TTC28: variants seen among roughly 807,000 people sequenced by gnomAD.
TTC28 encodes tetratricopeptide repeat domain 28, also known as tetratricopeptide repeat protein 28.
Under a neutral mutation model 198.0 loss-of-function variants are expected in TTC28, and 61 were observed. The ratio of observed to expected loss-of-function variants is 0.31; its 90% CI spans 0.25 to 0.38. The LOEUF (loss-of-function observed/expected upper bound fraction) is 0.38. TTC28 is among the 10% of genes least tolerant of loss of function. TTC28 has a pLI of 1.00. For missense variants in TTC28, 2,678 were observed against 3,164.0 expected (o/e 0.85, Z 3.69); for synonymous variants, 1,171 against 1,297.8 (o/e 0.90, Z 2.10).
At chr22:28,190,025 A>C (rs1215901819) in intron 5 of TTC28, among the ~76,000 whole-genome samples, 1 of 152,186 alleles carries the variant, frequency 6.6e-6, no homozygotes, top group Non-Finnish European at 1.5e-5. Flanking sequence ...AGAAATTAAG[A>C]AGGTATTGTT....
At chr22:28,165,516 C>T (rs960245479) in intron 5 of TTC28, among the ~76,000 whole-genome samples, 24 of 151,830 alleles carry the variant, frequency 1.6e-4, no homozygotes, top group Non-Finnish European at 2.9e-4. Context: ...AGAGTAGGGG[C>T]CAATATTCAA....
At chr22:28,564,055 G>A (rs2049932210) in intron 2 of TTC28, among the ~76,000 whole-genome samples, 1 of 152,144 alleles carries the variant, frequency 6.6e-6, no homozygotes, top group Non-Finnish European at 1.5e-5. Context: ...CATATTACAT[G>A]ACTCTGTTTA....
At chr22:28,583,201 T>G (rs2050256878) in intron 2 of TTC28, among the ~76,000 whole-genome samples, 1 of 152,202 alleles carries the variant, frequency 6.6e-6, no homozygotes, top group Non-Finnish European at 1.5e-5. Flanking sequence ...ATAAAATCAT[T>G]TTTTAAAAAA....
intron 12 of TTC28, among the ~76,000 whole-genome samples, chr22:28,093,543 T>C (rs1198187549): frequency 6.6e-6 from 1 of 152,248 alleles, no homozygotes; most frequent in African/African-American, 2.4e-5. Flanking sequence ...ATCATTATGA[T>C]AAAATGTTTC....
chr22:28,348,274 C>A (rs915422255), intron 2 of TTC28, among the ~76,000 whole-genome samples: 3 of 152,140 alleles, frequency 2.0e-5, no homozygotes, highest in Non-Finnish European at 4.4e-5. Context: ...TGCATGGAGG[C>A]CCTCAAGTCT....
intron 2 of TTC28, among the ~76,000 whole-genome samples, chr22:28,527,457 T>C (rs149207998): frequency 8.7e-4 from 132 of 152,308 alleles, no homozygotes; most frequent in Non-Finnish European, 1.6e-3. Flanking sequence ...GCCTAGTTAC[T>C]GCAAACCAGT....
At chr22:28,142,129 A>G (rs1943350953) in intron 6 of TTC28, among the ~76,000 whole-genome samples, 1 of 152,258 alleles carries the variant, frequency 6.6e-6, no homozygotes, top group South Asian at 2.1e-4. Flanking sequence ...CTCCCTGGGA[A>G]GGTAAAACTT....
intron 2 of TTC28, among the ~76,000 whole-genome samples, chr22:28,535,629 T>G (rs1302504042): frequency 2.0e-5 from 3 of 152,146 alleles, no homozygotes; most frequent in Non-Finnish European, 2.9e-5. Flanking sequence ...CATGTCAAAT[T>G]GTATCCCCAG....
intron 6 of TTC28, among the ~76,000 whole-genome samples, chr22:28,158,170 A>G (rs752997505): frequency 1.3e-5 from 2 of 152,220 alleles, no homozygotes; most frequent in Non-Finnish European, 2.9e-5. Flanking sequence ...TACAATAGCC[A>G]TACATAAAAT....
chr22:28,544,065 A>G (rs1001493192), intron 2 of TTC28, among the ~76,000 whole-genome samples: 65 of 152,238 alleles, frequency 4.3e-4, no homozygotes, highest in Non-Finnish European at 2.1e-4. Context: ...TATTAAAAAT[A>G]CAAAAATTAG....
rs78885087 is a variant in TTC28 at position 27,999,436 on chromosome 22, A to G, written c.4399-176T>C. 2.1e-3 allele frequency: 1,993 copies of G among 954,630 alleles called. 31 individuals are homozygous for G. In the African/African-American group the frequency reaches 0.03, roughly 14 times the overall value. 59.1% of individuals were successfully genotyped at this position (954,630 alleles called of 1,614,324 possible). A position where few individuals can be genotyped will look rare whatever the true frequency, so the allele number is the denominator to read the frequency against. ...CAACATCTTTTTGACACAGGTGCCTAACTTACTGAGAATCATGCCTGCTGT... is the reference window on the plus strand; with the variant it reads ...CAACATCTTTTTGACACAGGTGCCTGACTTACTGAGAATCATGCCTGCTGT... On this transcript the variant is annotated intron_variant, in intron 15 of 22. Transcript: ENST00000397906.
chr22:27,983,233 C>T lies in TTC28; in HGVS notation c.6434G>A (p.Ser2145Asn). ...ESDQSSTETD[S>N]TVKSQEESNP... The stretch of plus-strand genomic sequence containing the variant: ...GCTTTCTTCTTGGGATTTCACGGTA[C>T]TGTCCGTTTCTGTGCTAGACTGGTC... Residue 2145 changes from serine to asparagine, a missense_variant, in exon 23 of 23, where the codon AGT becomes AAT. Around this residue, in one of 8 missense-constraint regions of TTC28, gnomAD observed 622 missense variants for 656.0 expected, o/e 0.95. Transcript: ENST00000397906. 2.6e-6 allele frequency: 4 copies of T among 1,551,900 alleles called. No homozygotes were observed. The highest frequency in any genetic ancestry group is 3.5e-6 in the Non-Finnish European group (4 of 1,147,054).
At chr22:28,566,682 CAA>C (rs1433786299) in intron 2 of TTC28, among the ~76,000 whole-genome samples, 3 of 151,274 alleles carry the variant, frequency 2.0e-5, no homozygotes, top group Admixed American at 6.6e-5. Context: ...ATCAATAAAA[CAA>C]AGAGAGTAAT....
At chr22:28,086,830 T>C (rs558544615) in intron 12 of TTC28, among the ~76,000 whole-genome samples, 1 of 151,896 alleles carries the variant, frequency 6.6e-6, no homozygotes, top group African/African-American at 2.4e-5. Context: ...AAAGGGGATA[T>C]CACCACCGAT....
intron 5 of TTC28, among the ~76,000 whole-genome samples, chr22:28,238,326 C>A (rs1259135988): frequency 6.6e-6 from 1 of 152,072 alleles, no homozygotes; most frequent in Non-Finnish European, 1.5e-5. Flanking sequence ...TTTAGGTTAT[C>A]TGATCTTTTC....
chr22:28,065,576 G>A (rs1940717947), intron 12 of TTC28, among the ~76,000 whole-genome samples: 1 of 152,148 alleles, frequency 6.6e-6, no homozygotes, highest in Non-Finnish European at 1.5e-5. Context: ...TAAACTGAGG[G>A]CCAGTGAGCT....
intron 5 of TTC28, among the ~76,000 whole-genome samples, chr22:28,207,467 T>C (rs1926525347): frequency 6.6e-6 from 1 of 152,048 alleles, no homozygotes; most frequent in African/African-American, 2.4e-5. Context: ...TACTATTTAA[T>C]ATGAATGACC....
At chr22:28,558,282 A>C (rs757914413) in intron 2 of TTC28, among the ~76,000 whole-genome samples, 10 of 152,256 alleles carry the variant, frequency 6.6e-5, no homozygotes, top group Non-Finnish European at 1.0e-4. Flanking sequence ...GAGTTCATTT[A>C]CATGGTAAGA....
chr22:28,232,148 G>C (rs1928857912), intron 5 of TTC28, among the ~76,000 whole-genome samples: 2 of 152,178 alleles, frequency 1.3e-5, no homozygotes, highest in African/African-American at 4.8e-5. Flanking sequence ...TGCTCATGAA[G>C]TACCACAGGA....
Sources: gnomAD v4.1 joint callset for allele counts (sites outside exome capture counted in the v4.1 genomes callset) on GRCh38, gnomAD v4.1.1 for gene constraint, gnomAD v4.1.1 regional missense constraint, MANE v1.5 for transcripts, NCBI Gene and HGNC (gene_info 2026-07-23, HGNC 2026-07-21) for gene names.